The following TEAD1 variants were observed in gnomAD, a reference collection of about 807,000 sequenced individuals.
TEAD1 encodes the protein TEA domain transcription factor 1, also known as transcriptional enhancer factor TEF-1.
Under a neutral mutation model 54.9 loss-of-function variants are expected in TEAD1, and 9 were observed. That is an observed-to-expected ratio of 0.16 (90% CI 0.10 to 0.29). The LOEUF is 0.29. TEAD1 is among the 10% of genes least tolerant of loss of function. The pLI is 1.00. For missense variants in TEAD1, 387 were observed against 535.9 expected (o/e 0.72, Z 2.74); for synonymous variants, 200 against 187.8 (o/e 1.07, Z -0.53).
chr11:12,857,580 G>C (rs867501141), intron 3 of TEAD1, among the ~76,000 whole-genome samples: 33 of 140,754 alleles, frequency 2.3e-4, no homozygotes, highest in African/African-American at 7.4e-4. Context: ...CTCTGTCTCT[G>C]TGTGTGTGTG....
chr11:12,707,418 C>T (rs913388822), intron 2 of TEAD1, among the ~76,000 whole-genome samples: 3 of 152,192 alleles, frequency 2.0e-5, no homozygotes, highest in Admixed American at 6.5e-5. Context: ...AATGGTGGCA[C>T]TTGAATTAGT....
chr11:12,876,814 G>C (rs936275941), intron 5 of TEAD1, among the ~76,000 whole-genome samples: 1 of 152,178 alleles, frequency 6.6e-6, no homozygotes, highest in Non-Finnish European at 1.5e-5. Context: ...TTGATGTCAG[G>C]GTGATGTTGA....
intron 3 of TEAD1, among the ~76,000 whole-genome samples, chr11:12,838,953 C>T (rs562023730): frequency 2.6e-4 from 40 of 152,292 alleles, no homozygotes; most frequent in Non-Finnish European, 5.3e-4. Context: ...CTGTGCCGCT[C>T]AAACTGGGGA....
At chr11:12,692,482 A>G (rs796448192) in intron 2 of TEAD1, among the ~76,000 whole-genome samples, 4 of 152,218 alleles carry the variant, frequency 2.6e-5, no homozygotes, top group African/African-American at 9.6e-5. Flanking sequence ...TTGGATACAC[A>G]TTTAATGCCC....
intron 3 of TEAD1, among the ~76,000 whole-genome samples, chr11:12,804,289 G>A (rs1045330760): frequency 4.6e-5 from 7 of 152,146 alleles, no homozygotes; most frequent in African/African-American, 1.4e-4. Flanking sequence ...CCTTAATATG[G>A]GCAGAGAAGT....
intron 2 of TEAD1, among the ~76,000 whole-genome samples, chr11:12,729,197 G>A (rs1358987079): frequency 6.6e-6 from 1 of 152,238 alleles, no homozygotes; most frequent in Non-Finnish European, 1.5e-5. Flanking sequence ...GTGAATGAGT[G>A]AATGACTAGG....
chr11:12,806,355 C>T (rs1408504388), intron 3 of TEAD1, among the ~76,000 whole-genome samples: 1 of 152,234 alleles, frequency 6.6e-6, no homozygotes, highest in Non-Finnish European at 1.5e-5. Flanking sequence ...ACACCTGTGA[C>T]ACAATCTGCC....
intron 4 of TEAD1, among the ~76,000 whole-genome samples, chr11:12,862,923 T>C (rs1947536653): frequency 6.6e-6 from 1 of 152,126 alleles, no homozygotes; most frequent in African/African-American, 2.4e-5. Flanking sequence ...CTGCCTTTCC[T>C]CGTTCTTTCA....
At chr11:12,884,602 C>T (rs537893909) in intron 9 of TEAD1, among the ~76,000 whole-genome samples, 2 of 152,180 alleles carry the variant, frequency 1.3e-5, no homozygotes, top group East Asian at 3.9e-4. Flanking sequence ...CACATGTGGC[C>T]CACTCATGTC....
intron 9 of TEAD1, among the ~76,000 whole-genome samples, chr11:12,892,031 G>C (rs1032417342): frequency 6.6e-6 from 1 of 152,230 alleles, no homozygotes; most frequent in Non-Finnish European, 1.5e-5. Flanking sequence ...TCTCCCCTCT[G>C]GGGGACTGGC....
chr11:12,827,215 C>A (rs1350358131), intron 3 of TEAD1, among the ~76,000 whole-genome samples: 1 of 152,186 alleles, frequency 6.6e-6, no homozygotes, highest in African/African-American at 2.4e-5. Flanking sequence ...CCTGAACTTA[C>A]ATATCCTGAC....
chr11:12,936,785 A>G (rs1290402107), intron 12 of TEAD1, among the ~76,000 whole-genome samples: 1 of 152,238 alleles, frequency 6.6e-6, no homozygotes, highest in Admixed American at 6.5e-5. Flanking sequence ...GCGGGACAGA[A>G]TTAAAGAGAA....
At chr11:12,739,787 T>TCGGG (rs140358903) in intron 2 of TEAD1, among the ~76,000 whole-genome samples, 3,313 of 152,298 alleles carry the variant, frequency 0.022, 126 homozygotes, top group African/African-American at 0.076. Context: ...GTGCCAGACA[T>TCGGG]CGGGCTAGTT....
chr11:12,852,555 C>T (rs1589924786), intron 3 of TEAD1, among the ~76,000 whole-genome samples: 2 of 151,838 alleles, frequency 1.3e-5, no homozygotes, highest in East Asian at 3.9e-4. Flanking sequence ...TCAAGCAATT[C>T]CCTTGCCTCA....
rs549613097 is a variant in TEAD1 at position 12,796,478 on chromosome 11, C to T, written c.202+32044C>T. The stretch of plus-strand genomic sequence containing the variant: ...GGATGGCTTATGCTTGTAATCCCAG[C>T]ACTTTGGGAGGCTGAGGCGGGCGGA... On this transcript the variant is annotated intron_variant, in intron 3 of 12. Coordinates refer to ENST00000527636, the MANE Select transcript of TEAD1 (RefSeq NM_021961.6). Among the ~76,000 whole-genome samples, 6 of 152,292 alleles carry T rather than the reference C, an allele frequency of 3.9e-5. No homozygotes were observed. The South Asian group carries it at 1.2e-3, about 32-fold the overall frequency.
chr11:12,859,803 A>G (rs1449680825), intron 3 of TEAD1, among the ~76,000 whole-genome samples: 2 of 152,220 alleles, frequency 1.3e-5, no homozygotes, highest in African/African-American at 2.4e-5. Context: ...TCAGCTATGC[A>G]TTAAAAAGAC....
intron 3 of TEAD1, among the ~76,000 whole-genome samples, chr11:12,812,683 G>A (rs1021297193): frequency 7.9e-5 from 12 of 152,272 alleles, no homozygotes; most frequent in Middle Eastern, 3.4e-3. Context: ...TGCTGGAAGC[G>A]CATAGATTTT....
intron 3 of TEAD1, chr11:12,850,962 TTC>T: frequency 3.2e-6 from 2 of 634,322 alleles, no homozygotes; most frequent in Non-Finnish European, 3.9e-6. Flanking sequence ...ATTGTGCCAC[TTC>T]TCACTGAAAT....
intron 2 of TEAD1, among the ~76,000 whole-genome samples, chr11:12,680,694 A>AGT (rs893969849): frequency 4.6e-5 from 7 of 152,282 alleles, no homozygotes; most frequent in South Asian, 4.1e-4. Flanking sequence ...TGTGACATTA[A>AGT]GTGTGTGTGT....
Sources: allele counts gnomAD v4.1 joint callset (sites outside exome capture counted in the v4.1 genomes callset), GRCh38; gene constraint gnomAD v4.1.1; transcripts MANE v1.5; gene names NCBI Gene and HGNC (gene_info 2026-07-23, HGNC 2026-07-21).